The following GGT5 variants were observed in gnomAD, a reference collection of about 807,000 sequenced individuals.
GGT5 encodes gamma-glutamyltransferase 5.
A neutral mutation model predicts 58.1 loss-of-function variants in GGT5; 50 were observed. The ratio of observed to expected loss-of-function variants is 0.86; its 90% CI spans 0.69 to 1.09. The LOEUF (loss-of-function observed/expected upper bound fraction) is 1.09, where lower values mean the gene tolerates loss of function less well. Ranked by LOEUF, GGT5 falls within the 50% of genes least tolerant of loss-of-function variation. The probability of loss-of-function intolerance (pLI) is 0.00; values close to 1 mark genes in which losing one functional copy is unlikely to be tolerated. For synonymous variants in GGT5, 370 were observed against 346.1 expected (o/e 1.07, Z -0.77); for missense variants, 800 against 789.4 (o/e 1.01, Z -0.16).
chr22:24,225,981 C>G, intron 8 of GGT5, 95 bp downstream of exon 8: 1 of 867,564 alleles, frequency 1.2e-6, no homozygotes, highest in Non-Finnish European at 1.7e-6. Flanking sequence ...CAAGGTGCTG[C>G]CCCGTGGGGA....
chr22:24,238,883 T>A (rs8137410), intron 1 of GGT5, among the ~76,000 whole-genome samples: 1 of 9,254 alleles, frequency 1.1e-4, no homozygotes, highest in Non-Finnish European at 1.6e-4. Flanking sequence ...TAATATATAT[T>A]ATATATTTTA....
At chr22:24,236,682 G>A (rs2048105578) in intron 1 of GGT5, among the ~76,000 whole-genome samples, 2 of 150,272 alleles carry the variant, frequency 1.3e-5, no homozygotes, top group African/African-American at 4.9e-5. Context: ...AGAATGGTGT[G>A]AACCTGGAAG....
rs372732410 is a variant in GGT5, at chr22:24,225,006, T to G, written c.1604A>C (p.Asn535Thr). ...NSKGCVEYEP[N>T]FSQEVQRGLQ... The stretch of plus-strand genomic sequence containing the variant: ...GGACCTCAGCCTCACCTGGCTGAAG[T>G]TGGGCTCGTACTCCACACAGCCCTT... Residue 535 changes from asparagine to threonine, a missense_variant, in exon 11 of 12, where the codon AAC becomes ACC. Asn to Thr is a moderately conservative substitution (Grantham distance 65, BLOSUM62 0). Transcript: ENST00000327365. 6.3e-7 allele frequency: 1 copy of G among 1,589,312 alleles called. No individual in the cohort carries two copies. Among genetic ancestry groups the G allele is most frequent in the Non-Finnish European group, 8.6e-7 (1 of 1,166,526 alleles).
At chr22:24,240,779 C>T (rs572742873) in intron 1 of GGT5, among the ~76,000 whole-genome samples, 21 of 152,218 alleles carry the variant, frequency 1.4e-4, no homozygotes, top group African/African-American at 5.1e-4. Context: ...GCATGAGCCA[C>T]CATGCCCAGC....
Position 24,233,542 on chromosome 22 carries a change from G to T in GGT5, c.356C>A (p.Pro119Gln), listed in dbSNP as rs150075938. 6.2e-7 allele frequency: 1 copy of T among 1,609,696 alleles called. No homozygotes were observed. Among genetic ancestry groups the T allele is most frequent in the Admixed American group, 1.7e-5 (1 of 59,900 alleles). ...ARETVPASHA[P>Q]SLLDQCAQAL... The stretch of plus-strand genomic sequence containing the variant: ...CTGTGCACACTGGTCCAGCAGGCTC[G>T]GGGCGTGGCTGGCCGGCACCGTCTC... The change falls in exon 3 of 12, where the codon CCG (proline) becomes CAG (glutamine). Residue 119 changes from proline to glutamine, a missense_variant. Coordinates refer to ENST00000327365, the MANE Select transcript of GGT5 (RefSeq NM_004121.5).
chr22:24,220,436 T>C, intron 11 of GGT5: 1 of 507,754 alleles, frequency 2.0e-6, no homozygotes, highest in Non-Finnish European at 3.8e-6. Context: ...GGGCCTTCGA[T>C]GGAGGATGTG....
Position 24,223,378 on chromosome 22 carries a change from G to A in GGT5, c.1614+1618C>T, listed in dbSNP as rs553796884. On this transcript the variant is annotated intron_variant, in intron 11 of 11. Coordinates refer to ENST00000327365, the MANE Select transcript of GGT5 (RefSeq NM_004121.5). ...ATCATGCCACTGCACTCCAGCCTGA[G>A]TGACAGAGTGAGACTGTCTAAAAAA... 3.5e-4 allele frequency among the ~76,000 whole-genome samples: 53 copies of A among 152,306 alleles called. No individual in the cohort carries two copies. The South Asian group carries it at 0.01, about 30-fold the overall frequency.
intron 1 of GGT5, among the ~76,000 whole-genome samples, chr22:24,237,477 C>T (rs541358497): frequency 6.6e-5 from 10 of 152,216 alleles, no homozygotes; most frequent in South Asian, 4.1e-4. Flanking sequence ...GCCTCGATCT[C>T]GGCTCACTGC....
chr22:24,229,415 GA>G (rs1364130400), intron 6 of GGT5, among the ~76,000 whole-genome samples: 1 of 145,846 alleles, frequency 6.9e-6, no homozygotes, highest in East Asian at 2.2e-4. Flanking sequence ...CAGAGGAAAA[GA>G]AAAATGCTCT....
chr22:24,234,150 C>G (rs887211007), intron 1 of GGT5, 146 bp from the exon 2 acceptor site: 1 of 711,098 alleles, frequency 1.4e-6, no homozygotes, highest in Non-Finnish European at 2.3e-6. Flanking sequence ...AGAACACAAC[C>G]AGGCTTCCCC....
In GGT5 at chr22:24,232,630, C is replaced by T. The variant is rs879244272; in HGVS notation, c.596+193G>A. Among the ~76,000 whole-genome samples, 10 of 152,198 alleles carry T rather than the reference C, an allele frequency of 6.6e-5. No homozygotes were observed. In the South Asian group the frequency reaches 1.5e-3, roughly 22 times the overall value. On this transcript the variant is annotated intron_variant, in intron 4 of 11. Coordinates refer to ENST00000327365, the MANE Select transcript of GGT5 (RefSeq NM_004121.5). Reference sequence around the variant, plus strand: ...CCTATCACTTGGGCAATAAACTCCCCGCAGCCTAACCCCAAGTTAGGCTCT... The same window carrying T: ...CCTATCACTTGGGCAATAAACTCCCTGCAGCCTAACCCCAAGTTAGGCTCT...
At chr22:24,232,743 G>C in intron 4 of GGT5, 80 bp downstream of exon 4, 1 of 979,774 alleles carries the variant, frequency 1.0e-6, no homozygotes, top group Non-Finnish European at 1.4e-6. Flanking sequence ...GAGGGACTGA[G>C]GCAGAGCTGG....
chr22:24,244,391 CAT>C, intron 1 of GGT5, 160 bp downstream of exon 1: 1 of 669,444 alleles, frequency 1.5e-6, no homozygotes, highest in Non-Finnish European at 2.7e-6. Flanking sequence ...CTCACACTCA[CAT>C]ACACTCACAC....
intron 1 of GGT5, chr22:24,242,152 T>A (rs1335942322): frequency 2.0e-5 from 3 of 151,920 alleles, no homozygotes; most frequent in Non-Finnish European, 2.9e-5. Flanking sequence ...AAAACAGTCA[T>A]TATGCTGGAG....
At chr22:24,237,409 T>A (rs1016860253) in intron 1 of GGT5, among the ~76,000 whole-genome samples, 1 of 55,580 alleles carries the variant, frequency 1.8e-5, no homozygotes, top group African/African-American at 5.4e-5. Context: ...TATTTTATAT[T>A]TATTTATTTA....
chr22:24,233,885 T>C lies in GGT5; in HGVS notation c.293A>G (p.Asn98Ser). ...LGGGVIFTIY[N>S]VTTGKVEVIN... ...ACATGTGGGCCCACCTGTTGTCACA[T>C]TGTAGATGGTGAAGATGACCCCTCC... The change falls in exon 2 of 12, where the codon AAT becomes AGT. Residue 98 changes from asparagine (N) to serine (S), a missense_variant. Coordinates refer to ENST00000327365, the MANE Select transcript of GGT5 (RefSeq NM_004121.5). 6.2e-7 allele frequency: 1 copy of C among 1,613,228 alleles called. No homozygotes were observed. Among genetic ancestry groups the C allele is most frequent in the Non-Finnish European group, 8.5e-7 (1 of 1,179,222 alleles).
intron 3 of GGT5, 35 bp downstream of exon 3, chr22:24,233,463 G>A (rs2048008422): frequency 8.1e-7 from 1 of 1,234,008 alleles, no homozygotes; most frequent in East Asian, 2.3e-5. Flanking sequence ...TAGTGGCCTG[G>A]GGGGTGGGAG....
intron 7 of GGT5, 86 bp from the exon 8 acceptor site, chr22:24,226,352 G>A (rs2047765710): frequency 1.9e-6 from 2 of 1,073,570 alleles, no homozygotes; most frequent in South Asian, 1.5e-5. Context: ...AGCCCCCATG[G>A]GGGCCACCTC....
intron 1 of GGT5, among the ~76,000 whole-genome samples, chr22:24,235,345 A>G (rs1056566428): frequency 3.9e-5 from 6 of 152,226 alleles, no homozygotes; most frequent in African/African-American, 1.2e-4. Flanking sequence ...GGCGTGAGCC[A>G]CTGTGCCCGG....
Sources: allele counts gnomAD v4.1 joint callset (sites outside exome capture counted in the v4.1 genomes callset), GRCh38; gene constraint gnomAD v4.1.1; transcripts MANE v1.5; gene names NCBI Gene and HGNC (gene_info 2026-07-23, HGNC 2026-07-21).